Variants in FBXL13 observed in about 807,000 individuals in gnomAD.
FBXL13 encodes the protein F-box and leucine rich repeat protein 13, also known as F-box and leucine-rich repeat protein 13.
Under a neutral mutation model 83.6 loss-of-function variants are expected in FBXL13, and 67 were observed. The ratio of observed to expected loss-of-function variants is 0.80; its 90% CI spans 0.66 to 0.98. The LOEUF (loss-of-function observed/expected upper bound fraction) is 0.98, where lower values mean the gene tolerates loss of function less well. FBXL13 is among the 50% of genes least tolerant of loss of function. The pLI, the probability that FBXL13 is intolerant of heterozygous loss-of-function variation, is 0.00. For synonymous variants in FBXL13, 272 were observed against 299.5 expected (o/e 0.91, Z 0.95); for missense variants, 822 against 866.5 (o/e 0.95, Z 0.64).
intron 1 of FBXL13, among the ~76,000 whole-genome samples, chr7:103,057,414 T>TG (rs5886241): frequency 0.62 from 93,265 of 150,780 alleles, 29,787 homozygotes; most frequent in Non-Finnish European, 0.7. Flanking sequence ...TCATTGGGGT[T>TG]GGGGGGGGTT....
At chr7:103,038,128 C>G (rs1467368531) in intron 2 of FBXL13, among the ~76,000 whole-genome samples, 1 of 152,208 alleles carries the variant, frequency 6.6e-6, no homozygotes, top group Admixed American at 6.5e-5. Flanking sequence ...TCTTCGCAAC[C>G]TGCAGACCAG....
intron 6 of FBXL13, among the ~76,000 whole-genome samples, chr7:102,991,671 G>C (rs761726910): frequency 2.6e-5 from 4 of 152,116 alleles, no homozygotes; most frequent in Non-Finnish European, 5.9e-5. Flanking sequence ...GCTGTCTTTG[G>C]AACATAAAAC....
At chr7:102,950,480 C>T (rs1823239028) in intron 8 of FBXL13, among the ~76,000 whole-genome samples, 2 of 152,156 alleles carry the variant, frequency 1.3e-5, no homozygotes. Flanking sequence ...CATACTCTTA[C>T]CATATAATCC....
At chr7:102,920,493 G>A (rs985888385) in intron 10 of FBXL13, among the ~76,000 whole-genome samples, 1 of 151,908 alleles carries the variant, frequency 6.6e-6, no homozygotes, top group African/African-American at 2.4e-5. Flanking sequence ...GGGACTACAG[G>A]TGCATGCCAC....
At chr7:102,900,247 T>G (rs946191150) in intron 11 of FBXL13, among the ~76,000 whole-genome samples, 2 of 152,202 alleles carry the variant, frequency 1.3e-5, no homozygotes, top group African/African-American at 4.8e-5. Context: ...TAAAGTTTAG[T>G]CCATGACATA....
intron 6 of FBXL13, among the ~76,000 whole-genome samples, chr7:103,022,115 T>C (rs953861230): frequency 3.9e-5 from 6 of 152,004 alleles, no homozygotes; most frequent in African/African-American, 1.5e-4. Flanking sequence ...ATTAAGAAAA[T>C]GTGGCACATA....
chr7:102,998,011 C>T (rs1343488285), intron 6 of FBXL13, among the ~76,000 whole-genome samples: 4 of 152,124 alleles, frequency 2.6e-5, no homozygotes, highest in African/African-American at 9.7e-5. Flanking sequence ...TATCACTGTA[C>T]TAATTTACAT....
At chr7:102,861,759 A>G (rs1020474677) in intron 16 of FBXL13, among the ~76,000 whole-genome samples, 3 of 152,068 alleles carry the variant, frequency 2.0e-5, no homozygotes, top group Non-Finnish European at 4.4e-5. Context: ...AGGCAGGTGG[A>G]TCACCTGAGG....
intron 16 of FBXL13, among the ~76,000 whole-genome samples, chr7:102,876,666 C>T (rs545630337): frequency 1.3e-5 from 2 of 152,194 alleles, no homozygotes; most frequent in South Asian, 4.1e-4. Context: ...CAGTGCTTGC[C>T]TGCAAGGTAG....
At chr7:103,063,630 T>C (rs966414640) in intron 1 of FBXL13, among the ~76,000 whole-genome samples, 4 of 149,770 alleles carry the variant, frequency 2.7e-5, no homozygotes, top group African/African-American at 9.8e-5. Flanking sequence ...AATCTTACTA[T>C]AAAGAAAACT....
intron 6 of FBXL13, among the ~76,000 whole-genome samples, chr7:103,007,874 AT>A (rs1791148458): frequency 6.6e-6 from 1 of 152,132 alleles, no homozygotes; most frequent in South Asian, 2.1e-4. Context: ...AGGATATCCA[AT>A]CAGTGGGCCA....
chr7:103,026,665 T>A (rs1040088764), intron 5 of FBXL13, among the ~76,000 whole-genome samples: 1 of 152,212 alleles, frequency 6.6e-6, no homozygotes, highest in African/African-American at 2.4e-5. Context: ...GTTTTAGGCA[T>A]ATGTAAGTAA....
chr7:102,821,104 A>G (rs1303687637), intron 19 of FBXL13, among the ~76,000 whole-genome samples: 1 of 152,232 alleles, frequency 6.6e-6, no homozygotes, highest in Non-Finnish European at 1.5e-5. Context: ...CATCTTGCTG[A>G]AAGTTGTCTG....
At position 102,935,226 on chromosome 7, in the gene FBXL13, C is replaced by CT. The variant is rs201080434; in HGVS notation, c.725-3294dup. Among the ~76,000 whole-genome samples the CT allele has an allele frequency of 7.6e-3, 1,001 of 131,334 alleles. 7 individuals are homozygous for CT. The highest frequency in any genetic ancestry group is 0.056 in the East Asian group (232 of 4,138). 86.2% of individuals were successfully genotyped at this position (131,334 alleles called of 152,430 possible). On this transcript the variant is annotated intron_variant, in intron 8 of 19. Transcript: ENST00000313221. ...AATAAATGCTCCTATGCTCATGCTCCTTTTTTTTTTTCTTTCTTTTTTTTT... is the reference window on the plus strand; with the variant it reads ...AATAAATGCTCCTATGCTCATGCTCCTTTTTTTTTTTTCTTTCTTTTTTTTT...
At chr7:102,830,404 G>A (rs1017568741) in intron 18 of FBXL13, among the ~76,000 whole-genome samples, 4 of 152,076 alleles carry the variant, frequency 2.6e-5, no homozygotes, top group Non-Finnish European at 5.9e-5. Flanking sequence ...TGCTATGAAC[G>A]CAAGAATCTC....
rs143265783 is a variant in FBXL13, at chr7:103,025,472, C to T, written c.328-242G>A. On this transcript the variant is annotated intron_variant, in intron 5 of 19. Transcript: ENST00000313221. Reference sequence around the variant, plus strand: ...ACTGGCACAGGCAGCCATCTTGAAACGCTGATCTAGTCTCCTCTTTCACAG... The same window carrying T: ...ACTGGCACAGGCAGCCATCTTGAAATGCTGATCTAGTCTCCTCTTTCACAG... 1.1e-3 allele frequency among the ~76,000 whole-genome samples: 172 copies of T among 152,274 alleles called. 1 individual carries two copies. Among genetic ancestry groups the T allele is most frequent in the African/African-American group, 3.6e-3 (150 of 41,546 alleles).
intron 6 of FBXL13, among the ~76,000 whole-genome samples, chr7:102,984,674 T>C (rs535472979): frequency 6.6e-6 from 1 of 152,326 alleles, no homozygotes; most frequent in Non-Finnish European, 1.5e-5. Context: ...AGATAACAAT[T>C]GTATGGAGAT....
At chr7:102,814,485 A>G (rs1340437664) in intron 19 of FBXL13, 1 of 152,240 alleles carries the variant, frequency 6.6e-6, no homozygotes, top group African/African-American at 2.4e-5. Flanking sequence ...CATAGAGATA[A>G]CAGTTTAAAA....
chr7:102,846,262 A>G (rs1262945351), intron 17 of FBXL13, among the ~76,000 whole-genome samples: 1 of 152,218 alleles, frequency 6.6e-6, no homozygotes, highest in African/African-American at 2.4e-5. Context: ...CTCTACATGG[A>G]AAGTCTAATC....
Sources: gnomAD v4.1 joint callset for allele counts (sites outside exome capture counted in the v4.1 genomes callset) on GRCh38, gnomAD v4.1.1 for gene constraint, MANE v1.5 for transcripts, NCBI Gene and HGNC (gene_info 2026-07-23, HGNC 2026-07-21) for gene names.